The following PRDM16 variants were observed in gnomAD, a reference collection of about 807,000 sequenced individuals.
PRDM16 encodes histone-lysine N-methyltransferase PRDM16.
A neutral mutation model predicts 110.6 loss-of-function variants in PRDM16; 23 were observed. That is an observed-to-expected ratio of 0.21 (90% confidence interval 0.15 to 0.29). The LOEUF is 0.29. Among genes scored for constraint, PRDM16 ranks in the 10% least tolerant of loss-of-function variants. The probability of loss-of-function intolerance (pLI) is 1.00; values close to 1 mark genes in which losing one functional copy is unlikely to be tolerated. For missense variants in PRDM16, 1,615 were observed against 1,794.3 expected, an observed-to-expected ratio of 0.90 and a Z score of 1.81; for synonymous variants, 799 against 781.8, an observed-to-expected ratio of 1.02 and a Z score of -0.37.
chr1:3,112,192 T>C (rs1642810996), intron 1 of PRDM16, among the ~76,000 whole-genome samples: 2 of 152,146 alleles, frequency 1.3e-5, no homozygotes, highest in South Asian at 4.2e-4. Flanking sequence ...AAAAGTTGGT[T>C]TCAGGGCATC....
chr1:3,207,295 GCTTC>G (rs1638776293), intron 2 of PRDM16: 1 of 152,262 alleles, frequency 6.6e-6, no homozygotes, highest in Non-Finnish European at 1.5e-5. Context: ...ACCCCCGGAT[GCTTC>G]GGCCCAGCCA....
intron 1 of PRDM16, among the ~76,000 whole-genome samples, chr1:3,172,733 C>T (rs932001508): frequency 1.3e-5 from 2 of 152,156 alleles, no homozygotes; most frequent in Non-Finnish European, 2.9e-5. Context: ...CGGGAGGTCC[C>T]TAGAGTTATC....
chr1:3,272,253 G>A (rs1640472338), intron 3 of PRDM16, among the ~76,000 whole-genome samples: 1 of 152,216 alleles, frequency 6.6e-6, no homozygotes, highest in Non-Finnish European at 1.5e-5. Flanking sequence ...TGAGAAGGTG[G>A]CAACAGAGTT....
intron 3 of PRDM16, among the ~76,000 whole-genome samples, chr1:3,319,624 A>G (rs2500276): frequency 0.47 from 71,922 of 151,946 alleles, 18,293 homozygotes; most frequent in African/African-American, 0.67. Context: ...TGGAGGCGTC[A>G]GGCGCTCCTC....
intron 3 of PRDM16, among the ~76,000 whole-genome samples, chr1:3,278,564 G>A (rs532987098): frequency 6.6e-6 from 1 of 152,218 alleles, no homozygotes; most frequent in African/African-American, 2.4e-5. Flanking sequence ...CCTGTGCTGG[G>A]CATGAAACAG....
chr1:3,180,957 GTCTTACACACTCGGTCTTACACACGCA>G, intron 1 of PRDM16, among the ~76,000 whole-genome samples: 1 of 141,702 alleles, frequency 7.1e-6, no homozygotes, highest in East Asian at 2.5e-4. Context: ...TACACACGCA[GTCTTACACACTCGGTCTTACACACGCA>G]GTCTTACACA....
chr1:3,198,417 G>T (rs964068436), intron 2 of PRDM16, among the ~76,000 whole-genome samples: 3 of 152,244 alleles, frequency 2.0e-5, no homozygotes, highest in African/African-American at 7.2e-5. Context: ...GCCTCAAAGT[G>T]ACTATTCTCA....
intron 3 of PRDM16, among the ~76,000 whole-genome samples, chr1:3,323,940 T>C (rs1282452946): frequency 2.0e-5 from 3 of 152,150 alleles, no homozygotes. Context: ...CGGACGGGGC[T>C]GGTGAAGGGG....
At chr1:3,293,539 A>C (rs988057606) in intron 3 of PRDM16, among the ~76,000 whole-genome samples, 3 of 152,266 alleles carry the variant, frequency 2.0e-5, no homozygotes, top group African/African-American at 4.8e-5. Context: ...TCCGCGCTGC[A>C]CTAAATAGAA....
intron 1 of PRDM16, among the ~76,000 whole-genome samples, chr1:3,089,092 G>A (rs1327147263): frequency 6.6e-6 from 1 of 152,204 alleles, no homozygotes; most frequent in African/African-American, 2.4e-5. Flanking sequence ...CGAGATGCAG[G>A]GATTCTAATA....
intron 3 of PRDM16, chr1:3,308,515 G>C (rs1310715732): frequency 6.6e-6 from 1 of 152,360 alleles, no homozygotes; most frequent in East Asian, 1.9e-4. Context: ...GCATCTCGGG[G>C]AGTCAGCTGG....
intron 2 of PRDM16, among the ~76,000 whole-genome samples, chr1:3,215,742 G>C (rs139121602): frequency 6.6e-5 from 10 of 152,226 alleles, no homozygotes; most frequent in Admixed American, 1.3e-4. Context: ...CCTCCTCCTC[G>C]GGTGCCCCCA....
At chr1:3,119,048 C>A (rs1010683020) in intron 1 of PRDM16, among the ~76,000 whole-genome samples, 1 of 152,076 alleles carries the variant, frequency 6.6e-6, no homozygotes, top group African/African-American at 2.4e-5. Context: ...TGGGGGTGGC[C>A]CGGGAGGTGG....
intron 1 of PRDM16, among the ~76,000 whole-genome samples, chr1:3,154,506 G>C (rs569785155): frequency 6.6e-6 from 1 of 152,196 alleles, no homozygotes; most frequent in African/African-American, 2.4e-5. Context: ...CACTCCTCCC[G>C]CCTCCAGGAA....
rs1238101300 is a variant in PRDM16, at chr1:3,243,203, C to T, written c.388-884C>T. On this transcript the variant is annotated intron_variant, in intron 2 of 16. Coordinates refer to ENST00000270722, the MANE Select transcript of PRDM16 (RefSeq NM_022114.4). This position sits in a 1 kb window ranked among gnomAD's most constrained non-coding sequence, Gnocchi z 5.5. The stretch of plus-strand genomic sequence containing the variant: ...CTCCTGTGTGGCCCACAGCCCGCTG[C>T]TGGGGGTCCTCAGTGGCCACCCCGG... Among the ~76,000 whole-genome samples, 1 of 152,216 alleles carries T rather than the reference C, an allele frequency of 6.6e-6. No homozygotes were observed. The highest frequency in any genetic ancestry group is 2.4e-5 in the African/African-American group (1 of 41,446).
chr1:3,393,464 G>C (rs1296139879), intron 4 of PRDM16, among the ~76,000 whole-genome samples: 1 of 152,230 alleles, frequency 6.6e-6, no homozygotes, highest in African/African-American at 2.4e-5. Flanking sequence ...ATAAGCAGAC[G>C]GCAGGAATGT....
chr1:3,352,872 G>T (rs1472445831), intron 3 of PRDM16, among the ~76,000 whole-genome samples: 2 of 152,204 alleles, frequency 1.3e-5, no homozygotes, highest in South Asian at 4.1e-4. Context: ...CTAGCTCTCG[G>T]TGGCAGTCAG....
chr1:3,379,986 A>G (rs1338430386), intron 3 of PRDM16, among the ~76,000 whole-genome samples: 2 of 96,908 alleles, frequency 2.1e-5, no homozygotes, highest in Non-Finnish European at 4.1e-5. Context: ...ACTCATCCCA[A>G]CACAGCCCTC....
At chr1:3,238,766 G>A (rs987826270) in intron 2 of PRDM16, among the ~76,000 whole-genome samples, 3 of 152,200 alleles carry the variant, frequency 2.0e-5, no homozygotes, top group African/African-American at 2.4e-5. Context: ...AGGGCCTGGC[G>A]TGTGTCTTCT....
Sources: gnomAD v4.1 joint callset for allele counts (sites outside exome capture counted in the v4.1 genomes callset) on GRCh38, gnomAD v4.1.1 for gene constraint, Gnocchi (gnomAD v3.1) non-coding constraint, MANE v1.5 for transcripts, NCBI Gene and HGNC (gene_info 2026-07-23, HGNC 2026-07-21) for gene names.